The following RASSF3 variants were observed in gnomAD, a reference collection of about 807,000 sequenced individuals.
RASSF3 encodes Ras association domain family member 3.
RASSF3 carries 19 observed loss-of-function variants against 19.9 expected under a neutral mutation model. The ratio of observed to expected loss-of-function variants is 0.96; its 90% CI spans 0.67 to 1.40. The LOEUF (loss-of-function observed/expected upper bound fraction) is 1.40. Among genes scored for constraint, RASSF3 ranks in the 40% most tolerant of loss-of-function variants. RASSF3 has a pLI of 0.00. For missense variants in RASSF3, 306 were observed against 289.8 expected (o/e 1.06, Z -0.41); for synonymous variants, 110 against 104.2 (o/e 1.06, Z -0.34).
intron 1 of RASSF3, chr12:64,611,416 T>C (rs955696847): frequency 2.0e-5 from 3 of 152,268 alleles, no homozygotes; most frequent in African/African-American, 7.2e-5. Context: ...TTTTCGCCGG[T>C]TTCTTCCTTT....
chr12:64,641,198 C>T (rs998173465), intron 1 of RASSF3, among the ~76,000 whole-genome samples: 1 of 150,128 alleles, frequency 6.7e-6, no homozygotes, highest in Non-Finnish European at 1.5e-5. Context: ...GAGTTGGAGA[C>T]CAGCCTGGGC....
intron 1 of RASSF3, among the ~76,000 whole-genome samples, chr12:64,632,387 T>C (rs1185742361): frequency 1.3e-5 from 2 of 152,056 alleles, no homozygotes; most frequent in African/African-American, 2.4e-5. Flanking sequence ...AATAAAGTGG[T>C]CAGACCTATG....
chr12:64,566,898 G>A (rs1592402900), intron 2 of RASSF3, among the ~76,000 whole-genome samples: 1 of 152,162 alleles, frequency 6.6e-6, no homozygotes, highest in Admixed American at 6.5e-5. Context: ...GGTGGGGACC[G>A]AGGGCAAAAA....
At chr12:64,555,401 G>T (rs1253612889) in intron 2 of RASSF3, among the ~76,000 whole-genome samples, 1 of 152,088 alleles carries the variant, frequency 6.6e-6, no homozygotes, top group Non-Finnish European at 1.5e-5. Context: ...TCTTAAACAA[G>T]AAATGTATAC....
chr12:64,588,019 C>T (rs1488325205), intron 2 of RASSF3, among the ~76,000 whole-genome samples: 4 of 152,144 alleles, frequency 2.6e-5, no homozygotes, highest in African/African-American at 7.2e-5. Flanking sequence ...TTCCAAGTTT[C>T]GCTCAAATGG....
At chr12:64,539,807 T>C (rs1224916189) in intron 1 of RASSF3, among the ~76,000 whole-genome samples, 1 of 152,102 alleles carries the variant, frequency 6.6e-6, no homozygotes, top group Non-Finnish European at 1.5e-5. Flanking sequence ...TACCATTAAA[T>C]ATTATTATTC....
intron 1 of RASSF3, among the ~76,000 whole-genome samples, chr12:64,525,964 G>GA (rs1349891770): frequency 1.3e-5 from 2 of 152,116 alleles, no homozygotes; most frequent in Non-Finnish European, 2.9e-5. Flanking sequence ...GGTGAACAGG[G>GA]AGAGATGTCT....
chr12:64,560,287 A>G (rs1297272873), intron 2 of RASSF3, among the ~76,000 whole-genome samples: 1 of 152,244 alleles, frequency 6.6e-6, no homozygotes, highest in African/African-American at 2.4e-5. Context: ...TCAGAGCCTC[A>G]GTCTGTGGCT....
intron 1 of RASSF3, among the ~76,000 whole-genome samples, chr12:64,661,265 G>A (rs1872346933): frequency 6.6e-6 from 1 of 152,172 alleles, no homozygotes; most frequent in Non-Finnish European, 1.5e-5. Context: ...CCAGCACTTT[G>A]GGAGGCCAAG....
chr12:64,573,651 G>C (rs1040341091), intron 2 of RASSF3, among the ~76,000 whole-genome samples: 1 of 152,152 alleles, frequency 6.6e-6, no homozygotes, highest in African/African-American at 2.4e-5. Context: ...ATTGGCTGTT[G>C]GACAGAGACA....
intron 1 of RASSF3, among the ~76,000 whole-genome samples, chr12:64,680,343 G>A (rs1873076098): frequency 1.3e-5 from 2 of 151,944 alleles, no homozygotes; most frequent in Admixed American, 1.3e-4. Flanking sequence ...AGTGCTTGGG[G>A]GCCATTTTGG....
At position 64,678,656 on chromosome 12, in the gene RASSF3, A is replaced by AAAAAAC. The variant is rs1555216119; in HGVS notation, c.112-6126_112-6125insCAAAAA. 9.9e-3 allele frequency among the ~76,000 whole-genome samples: 1,494 copies of AAAAAAC among 150,438 alleles called. 41 individuals are homozygous for AAAAAAC. The highest frequency in any genetic ancestry group is 0.033 in the African/African-American group (1,343 of 40,894). ...AAAGAGATCCGTAATACCAAAAAAA[A>AAAAAAC]AAAAAAAAACCAAACAAAAACCCAA... On this transcript the variant is annotated intron_variant, in intron 1 of 4. Transcript: ENST00000542104.
upstream of RASSF3, among the ~76,000 whole-genome samples, chr12:64,531,090 T>C (rs1868698195): frequency 6.6e-6 from 1 of 152,168 alleles, no homozygotes; most frequent in Non-Finnish European, 1.5e-5. Context: ...AATTGTGCTT[T>C]TGTCATCTTA....
intron 3 of RASSF3, among the ~76,000 whole-genome samples, chr12:64,689,646 A>G (rs1873498444): frequency 6.6e-6 from 1 of 152,024 alleles, no homozygotes; most frequent in Non-Finnish European, 1.5e-5. Flanking sequence ...TTGTTGAAAT[A>G]TTACCCCCAT....
At chr12:64,664,987 T>C (rs563308142) in intron 1 of RASSF3, among the ~76,000 whole-genome samples, 86 of 152,364 alleles carry the variant, frequency 5.6e-4, no homozygotes, top group African/African-American at 2.0e-3. Flanking sequence ...TACTAAGTCA[T>C]TTAAATAATA....
intron 2 of RASSF3, among the ~76,000 whole-genome samples, chr12:64,602,927 C>T (rs954465996): frequency 2.6e-5 from 4 of 152,034 alleles, no homozygotes; most frequent in African/African-American, 4.8e-5. Flanking sequence ...GGTGAAACCA[C>T]ATCTCTACTA....
rs767868596 is a variant in RASSF3, at chr12:64,688,279, A to T, written c.283A>T (p.Thr95Ser). 6.2e-7 allele frequency: 1 copy of T among 1,614,144 alleles called. No individual in the cohort carries two copies. Among genetic ancestry groups the T allele is most frequent in the East Asian group, 2.2e-5 (1 of 44,890 alleles). ...GATGGAACTCTGCAAACCTCCACAGACTTCTCCAAATTCTGGAAAACTCTC... is the reference window on the plus strand; with the variant it reads ...GATGGAACTCTGCAAACCTCCACAGTCTTCTCCAAATTCTGGAAAACTCTC... ...VQMELCKPPQ[T>S]SPNSGKLSPS... is the part of the protein sequence containing the mutation. The change falls in exon 3 of 5, where the codon ACT (threonine) becomes TCT (serine). Residue 95 changes from threonine to serine, a missense_variant. Physicochemically the swap from Thr to Ser is moderately conservative, Grantham distance 58. Coordinates refer to ENST00000542104, the MANE Select transcript of RASSF3 (RefSeq NM_178169.4).
intron 1 of RASSF3, among the ~76,000 whole-genome samples, chr12:64,636,256 A>G (rs1393576222): frequency 6.6e-6 from 1 of 151,894 alleles, no homozygotes; most frequent in Non-Finnish European, 1.5e-5. Context: ...CTCCCATTGC[A>G]AGCATGCACC....
intron 2 of RASSF3, among the ~76,000 whole-genome samples, chr12:64,568,064 C>G (rs1419405486): frequency 6.6e-6 from 1 of 152,224 alleles, no homozygotes; most frequent in Non-Finnish European, 1.5e-5. Flanking sequence ...TGGAGTCTCG[C>G]TCTGTTGCCC....
Sources: allele counts gnomAD v4.1 joint callset (sites outside exome capture counted in the v4.1 genomes callset), GRCh38; gene constraint gnomAD v4.1.1; transcripts MANE v1.5; gene names NCBI Gene and HGNC (gene_info 2026-07-23, HGNC 2026-07-21).